The following TJAP1 variants were observed in gnomAD, a reference collection of about 807,000 sequenced individuals.
TJAP1 encodes the protein tight junction associated protein 1.
Under a neutral mutation model 42.0 loss-of-function variants are expected in TJAP1, and 27 were observed. The observed-to-expected ratio is 0.64, with a 90% CI of 0.47 to 0.89. The LOEUF is 0.89. TJAP1 is among the 40% of genes least tolerant of loss of function. The probability of loss-of-function intolerance (pLI) is 0.00; values close to 1 mark genes in which losing one functional copy is unlikely to be tolerated. For missense variants in TJAP1, 712 were observed against 726.9 expected (o/e 0.98, Z 0.24); for synonymous variants, 257 against 288.4 (o/e 0.89, Z 1.10).
intron 2 of TJAP1, chr6:43,478,673 T>A (rs551858953): frequency 2.0e-5 from 3 of 152,398 alleles, no homozygotes; most frequent in South Asian, 2.1e-4. Context: ...CTGCTGTCAC[T>A]GACTCCTGAA....
chr6:43,494,211 C>T (rs181450987), intron 2 of TJAP1, among the ~76,000 whole-genome samples: 80 of 152,296 alleles, frequency 5.3e-4, no homozygotes, highest in Middle Eastern at 3.4e-3. Flanking sequence ...AGCTATCACC[C>T]CTCTCTCCAC....
At chr6:43,503,280 T>C (rs957544251) in intron 8 of TJAP1, 121 bp from the exon 9 acceptor site, 2 of 706,210 alleles carry the variant, frequency 2.8e-6, no homozygotes, top group Non-Finnish European at 5.0e-6. Flanking sequence ...TTGTCTCTGC[T>C]CTGTCCGCCT....
chr6:43,499,150 GGC>G, intron 4 of TJAP1, 50 bp downstream of exon 4: 1 of 1,605,726 alleles, frequency 6.2e-7, no homozygotes, highest in Non-Finnish European at 8.5e-7. Context: ...AGGCCCCTGA[GGC>G]TGGGTGTCTG....
intron 2 of TJAP1, among the ~76,000 whole-genome samples, chr6:43,494,133 A>G (rs1788471911): frequency 6.6e-6 from 1 of 152,194 alleles, no homozygotes; most frequent in Non-Finnish European, 1.5e-5. Context: ...GGGAGAAGGT[A>G]TTTAATACAG....
In TJAP1 at chr6:43,504,749, C is replaced by A; in HGVS notation, c.580-12C>A. ...ATCATTGATGTCTCTCTTTCCTGCT[C>A]TTTTACCTCAGCTGCCCTGTGAGCT... On this transcript the variant is annotated splice_polypyrimidine_tract_variant and intron_variant, in intron 10 of 10. Transcript: ENST00000372449. 6.2e-7 allele frequency: 1 copy of A among 1,605,738 alleles called. No individual in the cohort carries two copies. The highest frequency in any genetic ancestry group is 1.1e-5 in the South Asian group (1 of 90,788).
At chr6:43,501,933 T>C (rs1027567860) in intron 6 of TJAP1, among the ~76,000 whole-genome samples, 1 of 119,760 alleles carries the variant, frequency 8.4e-6, no homozygotes, top group Non-Finnish European at 1.6e-5. Flanking sequence ...ACACACTCTC[T>C]CTCTCTCTCT....
intron 2 of TJAP1, among the ~76,000 whole-genome samples, chr6:43,479,285 CA>C (rs1477369907): frequency 6.6e-6 from 1 of 152,198 alleles, no homozygotes; most frequent in Non-Finnish European, 1.5e-5. Flanking sequence ...CCTGTCCCCC[CA>C]ATCAAAGGCT....
rs1188666916 is a variant in TJAP1, at chr6:43,505,077, G to T, written c.896G>T (p.Gly299Val). 2 of 1,613,982 alleles carry T rather than the reference G, an allele frequency of 1.2e-6. No homozygotes were observed. Among genetic ancestry groups the T allele is most frequent in the African/African-American group, 1.3e-5 (1 of 74,906 alleles). Residue 299 changes from glycine to valine, a missense_variant, in exon 11 of 11, where the codon GGC (glycine) becomes GTC (valine). Physicochemically the swap from Gly to Val is moderately radical, Grantham distance 109. This residue lies in a region of TJAP1 where 549 missense variants were observed against 528.2 expected (regional missense o/e 1.04). Coordinates refer to ENST00000372449, the Ensembl canonical transcript of TJAP1. This position sits in a 1 kb window ranked among gnomAD's most constrained non-coding sequence, Gnocchi z 5.5. The stretch of plus-strand genomic sequence containing the variant: ...TGCCACTCTCTGGGTACTGCCAGGG[G>T]CTCCCCGGAGGAAGAGCTGCCCCTG...
At chr6:43,478,899 C>T (rs1581855713) in intron 2 of TJAP1, among the ~76,000 whole-genome samples, 1 of 152,178 alleles carries the variant, frequency 6.6e-6, no homozygotes, top group South Asian at 2.1e-4. Context: ...CTTGAGACCC[C>T]TAATATTTGA....
chr6:43,490,609 C>A (rs1787600036), intron 2 of TJAP1, among the ~76,000 whole-genome samples: 1 of 152,172 alleles, frequency 6.6e-6, no homozygotes, highest in South Asian at 2.1e-4. Context: ...CTGGGGAATT[C>A]CCTGGGCAGA....
chr6:43,478,564 A>G (rs1461687557), intron 2 of TJAP1: 1 of 152,214 alleles, frequency 6.6e-6, no homozygotes, highest in East Asian at 1.9e-4. Context: ...TCACTTCTTC[A>G]CTTTGGCGTC....
chr6:43,490,396 T>G (rs756877838), intron 2 of TJAP1, among the ~76,000 whole-genome samples: 1 of 152,224 alleles, frequency 6.6e-6, no homozygotes, highest in Admixed American at 6.5e-5. Flanking sequence ...TCAATTACCA[T>G]GCTGCTGCTG....
At chr6:43,503,197 TA>T in intron 8 of TJAP1, 1 of 587,912 alleles carries the variant, frequency 1.7e-6, no homozygotes, top group Non-Finnish European at 3.0e-6. Flanking sequence ...GAAGTCATGC[TA>T]AGAAAGCCCC....
intron 10 of TJAP1, chr6:43,504,547 G>C (rs1791798795): frequency 1.6e-6 from 1 of 642,402 alleles, no homozygotes. Flanking sequence ...TTAAATCTTG[G>C]CCAAGTTAAC....
intron 2 of TJAP1, among the ~76,000 whole-genome samples, chr6:43,482,309 G>A (rs980507048): frequency 6.6e-5 from 10 of 152,072 alleles, no homozygotes; most frequent in African/African-American, 2.4e-4. Context: ...TCAATTCTCA[G>A]GGTGCCCCTT....
chr6:43,485,339 C>T (rs773205089), intron 2 of TJAP1, among the ~76,000 whole-genome samples: 15 of 152,230 alleles, frequency 9.9e-5, no homozygotes, highest in Non-Finnish European at 2.1e-4. Context: ...ATGCTTCCCA[C>T]AAGTGGGGCT....
chr6:43,486,269 G>A (rs1345261725), intron 2 of TJAP1, among the ~76,000 whole-genome samples: 1 of 150,688 alleles, frequency 6.6e-6, no homozygotes, highest in Admixed American at 6.6e-5. Flanking sequence ...TCGGCCAGAC[G>A]GTTTATGTTC....
In TJAP1 at chr6:43,505,571, C is replaced by T; in HGVS notation, c.1390C>T (p.Pro464Ser). 1 of 1,613,768 alleles carries T rather than the reference C, an allele frequency of 6.2e-7. No individual in the cohort carries two copies. Among genetic ancestry groups the T allele is most frequent in the Non-Finnish European group, 8.5e-7 (1 of 1,180,040 alleles). The change falls in exon 11 of 11, where the codon CCC (proline) becomes TCC (serine). Residue 464 changes from proline (P) to serine (S), a missense_variant. Around this residue, in one of 3 missense-constraint regions of TJAP1, gnomAD observed 549 missense variants for 528.2 expected, o/e 1.04. Transcript: ENST00000372449. The surrounding 1 kb of genome is among the most constrained non-coding windows in gnomAD (Gnocchi z 5.5). The stretch of plus-strand genomic sequence containing the variant: ...GGTGGTCCAGGCACCTTCTGCCCGA[C>T]CCGAAGAGAGTGAGCTTTTGCTACC...
At chr6:43,504,525 G>C in intron 10 of TJAP1, 1 of 581,422 alleles carries the variant, frequency 1.7e-6, no homozygotes, top group Non-Finnish European at 3.0e-6. Flanking sequence ...GGCTGCAGCA[G>C]CAGATCCGGG....
Sources: gnomAD v4.1 joint callset for allele counts (sites outside exome capture counted in the v4.1 genomes callset) on GRCh38, gnomAD v4.1.1 for gene constraint, gnomAD v4.1.1 regional missense constraint, Gnocchi (gnomAD v3.1) non-coding constraint, MANE v1.5 for transcripts, NCBI Gene and HGNC (gene_info 2026-07-23, HGNC 2026-07-21) for gene names.